ASB4: variants seen among roughly 807,000 people sequenced by gnomAD.
The protein encoded by ASB4 is ankyrin repeat and SOCS box protein 4.
ASB4 carries 35 observed loss-of-function variants against 38.6 expected under a neutral mutation model. The ratio of observed to expected loss-of-function variants is 0.91; its 90% CI spans 0.69 to 1.20. ASB4 has a LOEUF of 1.20. Ranked by LOEUF, ASB4 falls within the 50% of genes most tolerant of loss-of-function variation. The pLI, the probability that ASB4 is intolerant of heterozygous loss-of-function variation, is 0.00. For missense variants in ASB4, 557 were observed against 527.2 expected (o/e 1.06, Z -0.55); for synonymous variants, 195 against 201.3 (o/e 0.97, Z 0.26).
chr7:95,502,648 C>CTGCA (rs1351163556), intron 2 of ASB4, among the ~76,000 whole-genome samples: 5 of 152,276 alleles, frequency 3.3e-5, no homozygotes, highest in African/African-American at 9.6e-5. Context: ...GTCACATGAC[C>CTGCA]TGCAGTACAC....
intron 2 of ASB4, among the ~76,000 whole-genome samples, chr7:95,502,338 A>G (rs1169186216): frequency 6.8e-6 from 1 of 146,966 alleles, no homozygotes; most frequent in Non-Finnish European, 1.5e-5. Context: ...TGACAAACAC[A>G]TAGGGAAGTG....
chr7:95,510,809 T>A (rs1350811445), intron 2 of ASB4, among the ~76,000 whole-genome samples: 1 of 152,234 alleles, frequency 6.6e-6, no homozygotes, highest in African/African-American at 2.4e-5. Flanking sequence ...GGATGTGTTA[T>A]CTTTGTTTTA....
At chr7:95,545,270 A>G in the ASB4 span, among the ~76,000 whole-genome samples, 1 of 152,188 alleles carries the variant, frequency 6.6e-6, no homozygotes, top group Admixed American at 6.5e-5. Flanking sequence ...AACCAGAAAG[A>G]TCAAGAAAGG....
chr7:95,547,984 G>C, the ASB4 span, among the ~76,000 whole-genome samples: 2 of 152,126 alleles, frequency 1.3e-5, no homozygotes, highest in Non-Finnish European at 2.9e-5. Context: ...TAACCTACGG[G>C]TTCTGTTTCT....
At chr7:95,506,921 AT>A (rs1323257222) in intron 2 of ASB4, among the ~76,000 whole-genome samples, 1 of 151,584 alleles carries the variant, frequency 6.6e-6, no homozygotes, top group Non-Finnish European at 1.5e-5. Context: ...TGTTTCTCTA[AT>A]TATCTTGTAT....
the ASB4 span, among the ~76,000 whole-genome samples, chr7:95,546,673 G>C: frequency 1.3e-5 from 2 of 152,252 alleles, no homozygotes; most frequent in East Asian, 3.9e-4. Flanking sequence ...AGAGTTGATA[G>C]GCAAGGTGAA....
At chr7:95,547,493 A>C in the ASB4 span, among the ~76,000 whole-genome samples, 18 of 152,178 alleles carry the variant, frequency 1.2e-4, no homozygotes, top group African/African-American at 4.3e-4. Flanking sequence ...TTATTGCTTA[A>C]TCGTGTTCCA....
In ASB4 at chr7:95,540,053, CG is replaced by C. The variant is rs1228095846; in HGVS notation, c.*2295del. On this transcript the variant is annotated 3_prime_UTR_variant, in exon 5 of 5. Transcript: ENST00000325885. ...GAGGACAAAGGGAGAAGATGTTCCT[CG>C]CCCAGGGAAATGAAAACTTTTCTTA... The C allele has an allele frequency of 6.6e-6, 1 of 151,984 alleles. No homozygotes were observed. Among genetic ancestry groups the C allele is most frequent in the Non-Finnish European group, 1.5e-5 (1 of 68,026 alleles). 9.4% of individuals were successfully genotyped at this position (151,984 alleles called of 1,614,324 possible).
At chr7:95,530,847 C>A (rs538970755) in intron 3 of ASB4, among the ~76,000 whole-genome samples, 3 of 152,126 alleles carry the variant, frequency 2.0e-5, no homozygotes, top group African/African-American at 7.2e-5. Context: ...GGGGGGCTGG[C>A]AAATTTGCAA....
intron 1 of ASB4, among the ~76,000 whole-genome samples, chr7:95,479,961 T>A (rs1790009474): frequency 1.3e-5 from 2 of 152,310 alleles, no homozygotes; most frequent in Non-Finnish European, 2.9e-5. Context: ...GAAATCTCTT[T>A]CCCTAAATAT....
intron 1 of ASB4, among the ~76,000 whole-genome samples, chr7:95,479,339 A>G (rs942985472): frequency 1.3e-5 from 2 of 152,196 alleles, no homozygotes; most frequent in Admixed American, 6.5e-5. Flanking sequence ...TAACTCTCCT[A>G]TAATGCTTCA....
At chr7:95,528,400 C>A in intron 3 of ASB4, 97 bp downstream of exon 3, 2 of 1,577,022 alleles carry the variant, frequency 1.3e-6, no homozygotes, top group Non-Finnish European at 1.7e-6. Flanking sequence ...AGGCTTGAGT[C>A]CTGGGCTAAC....
intron 2 of ASB4, among the ~76,000 whole-genome samples, chr7:95,505,425 T>A (rs1790393492): frequency 6.6e-6 from 1 of 152,056 alleles, no homozygotes; most frequent in Non-Finnish European, 1.5e-5. Flanking sequence ...AATATGAAAA[T>A]TGTTTAAAAG....
chr7:95,520,694 A>T (rs1014586385), intron 2 of ASB4, among the ~76,000 whole-genome samples: 1 of 148,354 alleles, frequency 6.7e-6, no homozygotes, highest in South Asian at 2.1e-4. Flanking sequence ...CTTTTACAAC[A>T]TTGTTAGTCT....
intron 2 of ASB4, among the ~76,000 whole-genome samples, chr7:95,507,406 T>C (rs1016942743): frequency 6.6e-6 from 1 of 152,112 alleles, no homozygotes; most frequent in African/African-American, 2.4e-5. Flanking sequence ...CTTCTACTCC[T>C]GTGCGAAGTC....
chr7:95,547,318 C>T, the ASB4 span, among the ~76,000 whole-genome samples: 4 of 152,170 alleles, frequency 2.6e-5, no homozygotes, highest in Non-Finnish European at 4.4e-5. Flanking sequence ...CTCCCACAGG[C>T]AACCACTGTA....
intron 2 of ASB4, among the ~76,000 whole-genome samples, chr7:95,515,581 A>G (rs1156312008): frequency 6.6e-6 from 1 of 151,628 alleles, no homozygotes; most frequent in African/African-American, 2.4e-5. Flanking sequence ...AAGCCCAGCT[A>G]ATTTTTGTGT....
In ASB4 at chr7:95,506,833, G is replaced by C. The variant is rs566362867; in HGVS notation, c.487+10776G>C. On this transcript the variant is annotated intron_variant, in intron 2 of 4. Coordinates refer to ENST00000325885, the MANE Select transcript of ASB4 (RefSeq NM_016116.3). ...GAAAAATGTTCCTGAATTATTTCCT[G>C]GGTGAGTTCTTTTCTTCTGCTTTCT... Among the ~76,000 whole-genome samples, 6 of 151,714 alleles carry C rather than the reference G, an allele frequency of 4.0e-5. No homozygotes were observed. The South Asian group carries it at 6.3e-4, about 16-fold the overall frequency.
At chr7:95,498,822 A>G (rs976700708) in intron 2 of ASB4, among the ~76,000 whole-genome samples, 9 of 152,072 alleles carry the variant, frequency 5.9e-5, no homozygotes, top group African/African-American at 2.2e-4. Context: ...TAATTTTTTT[A>G]TATGGTATAA....
Sources: allele counts gnomAD v4.1 joint callset (sites outside exome capture counted in the v4.1 genomes callset), GRCh38; gene constraint gnomAD v4.1.1; transcripts MANE v1.5; gene names NCBI Gene and HGNC (gene_info 2026-07-23, HGNC 2026-07-21).